Variants in ST3GAL3 observed in about 807,000 individuals in gnomAD.
ST3GAL3 encodes CMP-N-acetylneuraminate-beta-1,4-galactoside alpha-2,3-sialyltransferase.
A neutral mutation model predicts 50.1 loss-of-function variants in ST3GAL3; 21 were observed. The ratio of observed to expected loss-of-function variants is 0.42; its 90% CI spans 0.30 to 0.60. ST3GAL3 has a LOEUF of 0.60. Among genes scored for constraint, ST3GAL3 ranks in the 20% least tolerant of loss-of-function variants. ST3GAL3 has a pLI of 0.19. For synonymous variants in ST3GAL3, 183 were observed against 190.0 expected (o/e 0.96, Z 0.30); for missense variants, 353 against 489.4 (o/e 0.72, Z 2.63).
In ST3GAL3 at chr1:43,754,297, A is replaced by G. The variant is rs114286910; in HGVS notation, c.118+17917A>G. 6.2e-3 allele frequency among the ~76,000 whole-genome samples: 944 copies of G among 152,256 alleles called. 9 individuals are homozygous for G. Among genetic ancestry groups the G allele is most frequent in the African/African-American group, 0.022 (903 of 41,540 alleles). ...ATCCTCTGCCTCCTAGGTTCAAGGA[A>G]TTCTCTTGCCTCAGCCTCCCGAGTA... On this transcript the variant is annotated intron_variant, in intron 2 of 11. Transcript: ENST00000347631.
intron 2 of ST3GAL3, among the ~76,000 whole-genome samples, chr1:43,762,262 TAAAA>T (rs573587830): frequency 1.6e-5 from 2 of 121,370 alleles, no homozygotes; most frequent in Admixed American, 8.6e-5. Context: ...CCTGTCTCAT[TAAAA>T]AAAAAAAAAA....
chr1:43,786,740 C>T (rs1401063922), intron 2 of ST3GAL3, among the ~76,000 whole-genome samples: 1 of 152,140 alleles, frequency 6.6e-6, no homozygotes, highest in Non-Finnish European at 1.5e-5. Context: ...ATTTTCAAGC[C>T]TAGTGTGTCG....
At chr1:43,837,594 A>G (rs3011217) in intron 4 of ST3GAL3, among the ~76,000 whole-genome samples, 84,788 of 151,992 alleles carry the variant, frequency 0.56, 26,924 homozygotes, top group Non-Finnish European at 0.72. Flanking sequence ...GCTGTATTCT[A>G]TGAACTCCAA....
At chr1:43,761,633 G>A (rs184012535) in intron 2 of ST3GAL3, among the ~76,000 whole-genome samples, 2 of 152,078 alleles carry the variant, frequency 1.3e-5, no homozygotes, top group Admixed American at 1.3e-4. Flanking sequence ...CTCTCTACTT[G>A]TGGTTAAAAA....
rs778553102 is a variant in ST3GAL3, at chr1:43,898,335, G to A, written c.461+37G>A. Reference sequence around the variant, plus strand: ...ACTGTGCAGCCTCCTACCCACCGCTGCCTGGTGGTGTGCAGAGGTGTTGAG... The same window carrying A: ...ACTGTGCAGCCTCCTACCCACCGCTACCTGGTGGTGTGCAGAGGTGTTGAG... On this transcript the variant is annotated intron_variant, in intron 7 of 11. Coordinates refer to ENST00000347631, the MANE Select transcript of ST3GAL3 (RefSeq NM_006279.5). The A allele has an allele frequency of 1.9e-6, 3 of 1,608,302 alleles. No individual in the cohort carries two copies. The South Asian group carries it at 3.3e-5, about 18-fold the overall frequency.
intron 5 of ST3GAL3, among the ~76,000 whole-genome samples, chr1:43,870,122 C>G (rs891574349): frequency 6.6e-6 from 1 of 152,232 alleles, no homozygotes; most frequent in Non-Finnish European, 1.5e-5. Context: ...CACCTTCTCT[C>G]TTTGGACAAG....
chr1:43,867,734 T>C (rs1414465597), intron 5 of ST3GAL3, among the ~76,000 whole-genome samples: 1 of 152,250 alleles, frequency 6.6e-6, no homozygotes, highest in East Asian at 1.9e-4. Context: ...TGTTGTCTTA[T>C]GTCTGGCCCA....
intron 3 of ST3GAL3, among the ~76,000 whole-genome samples, chr1:43,803,483 C>T (rs896949072): frequency 1.3e-5 from 2 of 152,142 alleles, no homozygotes; most frequent in African/African-American, 2.4e-5. Context: ...TGAATTCTCA[C>T]AGACTTTGTG....
chr1:43,907,361 C>T (rs1164046026), intron 9 of ST3GAL3, among the ~76,000 whole-genome samples: 1 of 152,182 alleles, frequency 6.6e-6, no homozygotes, highest in Non-Finnish European at 1.5e-5. Flanking sequence ...GTACCAGGGA[C>T]TGAATGTCAC....
chr1:43,724,205 T>A (rs1198270743), intron 1 of ST3GAL3, among the ~76,000 whole-genome samples: 1 of 151,786 alleles, frequency 6.6e-6, no homozygotes, highest in African/African-American at 2.4e-5. Flanking sequence ...AAATATATTT[T>A]ATTTATTTAT....
intron 5 of ST3GAL3, among the ~76,000 whole-genome samples, chr1:43,888,971 T>C (rs2076334617): frequency 1.3e-5 from 2 of 152,302 alleles, no homozygotes; most frequent in African/African-American, 4.8e-5. Flanking sequence ...GACATATGCA[T>C]TAAATTATTC....
rs138536153 is a variant in ST3GAL3, at chr1:43,921,918, A to G, written c.1038+990A>G. 7.9e-3 allele frequency: 3,155 copies of G among 397,334 alleles called. 24 individuals are homozygous for G. Among genetic ancestry groups the G allele is most frequent in the Non-Finnish European group, 0.012 (2,625 of 225,740 alleles). The allele number at this position is 397,334 out of a possible 1,614,324, so 24.6% of individuals were successfully genotyped here. A position where few individuals can be genotyped will look rare whatever the true frequency, so the allele number is the denominator to read the frequency against. ...AAGGTGGCCAATTCCAGTGGACACA[A>G]CGTCATCTTTCCTGATCTCTCAGAA... On this transcript the variant is annotated intron_variant, in intron 11 of 11. Coordinates refer to ENST00000347631, the MANE Select transcript of ST3GAL3 (RefSeq NM_006279.5).
At chr1:43,879,094 C>T in intron 5 of ST3GAL3, 1 of 455,616 alleles carries the variant, frequency 2.2e-6, no homozygotes, top group Non-Finnish European at 4.4e-6. Flanking sequence ...ACAGAAGAGT[C>T]AGAGAAGACG....
chr1:43,925,669 A>G (rs1370170337), intron 11 of ST3GAL3, among the ~76,000 whole-genome samples: 2 of 152,226 alleles, frequency 1.3e-5, no homozygotes, highest in African/African-American at 2.4e-5. Context: ...TGCCTTGATC[A>G]GCTCACTCTG....
At chr1:43,920,062 A>G in intron 9 of ST3GAL3, 1 of 374,582 alleles carries the variant, frequency 2.7e-6, no homozygotes, top group Non-Finnish European at 5.1e-6. Context: ...GAGGCAGGGC[A>G]GCTGCACTGC....
At chr1:43,909,614 T>C (rs955679239) in intron 9 of ST3GAL3, among the ~76,000 whole-genome samples, 3 of 152,204 alleles carry the variant, frequency 2.0e-5, no homozygotes, top group Non-Finnish European at 2.9e-5. Context: ...AAAGGGAATT[T>C]TAAAGTAAGG....
At chr1:43,754,169 A>C (rs1289790005) in intron 2 of ST3GAL3, among the ~76,000 whole-genome samples, 2 of 152,134 alleles carry the variant, frequency 1.3e-5, no homozygotes, top group East Asian at 3.9e-4. Flanking sequence ...CTCAGAGACA[A>C]AACTCATGTA....
Position 43,930,122 on chromosome 1 carries a change from CTCCTT to C in ST3GAL3, c.1039-7_1039-3del. The C allele has an allele frequency of 6.2e-7, 1 of 1,613,950 alleles. No homozygotes were observed. On this transcript the variant is annotated splice_polypyrimidine_tract_variant and splice_region_variant and intron_variant, in intron 11 of 11. Coordinates refer to ENST00000347631, the MANE Select transcript of ST3GAL3 (RefSeq NM_006279.5). ...AAAGGCCCAACTGATCACTTCATCT[CTCCTT>C]TCAGTCCTGGACGCACAATATCCAG...
intron 9 of ST3GAL3, among the ~76,000 whole-genome samples, chr1:43,900,079 C>T (rs1051455774): frequency 3.9e-5 from 6 of 152,006 alleles, no homozygotes; most frequent in Admixed American, 2.6e-4. Flanking sequence ...GGCCAGCCTT[C>T]GTATCACTCC....
Sources: gnomAD v4.1 joint callset for allele counts (sites outside exome capture counted in the v4.1 genomes callset) on GRCh38, gnomAD v4.1.1 for gene constraint, MANE v1.5 for transcripts, NCBI Gene and HGNC (gene_info 2026-07-23, HGNC 2026-07-21) for gene names.